HSPH1: variants seen among roughly 807,000 people sequenced by gnomAD.
The protein encoded by HSPH1 is heat shock protein 105 kDa.
HSPH1 carries 40 observed loss-of-function variants against 100.0 expected under a neutral mutation model. The ratio of observed to expected loss-of-function variants is 0.40; its 90% confidence interval spans 0.31 to 0.52. The LOEUF (loss-of-function observed/expected upper bound fraction) is 0.52, where lower values mean the gene tolerates loss of function less well. Ranked by LOEUF, HSPH1 falls within the 20% of genes least tolerant of loss-of-function variation. The pLI is 0.54. For synonymous variants in HSPH1, 403 were observed against 344.0 expected, an observed-to-expected ratio of 1.17 and a Z score of -1.90; for missense variants, 876 against 1,015.1, an observed-to-expected ratio of 0.86 and a Z score of 1.86.
At chr13:31,153,063 G>C in intron 4 of HSPH1, 112 bp from the exon 5 acceptor site, 1 of 681,108 alleles carries the variant, frequency 1.5e-6, no homozygotes, top group Admixed American at 2.6e-5. Context: ...GCCTCGCCAA[G>C]TCACAAAACA....
intron 4 of HSPH1, chr13:31,153,889 A>T (rs1450377159): frequency 2.0e-5 from 3 of 151,800 alleles, no homozygotes. Context: ...ACTGACTTAT[A>T]ACTTAATTCT....
At chr13:31,154,585 G>C in intron 4 of HSPH1, 48 bp downstream of exon 4, 1 of 1,608,224 alleles carries the variant, frequency 6.2e-7, no homozygotes, top group South Asian at 1.1e-5. Flanking sequence ...GTAATACAAA[G>C]AACGCAAAAA....
rs1375332763 is a variant in HSPH1, at chr13:31,137,196, T to C, written c.*122A>G. ...AAGCTTTTTTTCTTTTTCCATATAA[T>C]ACACAAAATTTCTAAATATCCTTAA... On this transcript the variant is annotated 3_prime_UTR_variant, in exon 18 of 18. Coordinates refer to ENST00000320027, the MANE Select transcript of HSPH1 (RefSeq NM_006644.4). 1 of 743,744 alleles carries C rather than the reference T, an allele frequency of 1.3e-6. No individual in the cohort carries two copies. Among genetic ancestry groups the C allele is most frequent in the Non-Finnish European group, 2.3e-6 (1 of 428,328 alleles). 46.1% of individuals were successfully genotyped at this position (743,744 alleles called of 1,614,324 possible).
chr13:31,160,203 T>C (rs567612338), intron 1 of HSPH1, among the ~76,000 whole-genome samples: 6 of 152,318 alleles, frequency 3.9e-5, no homozygotes, highest in African/African-American at 1.4e-4. Flanking sequence ...AAGTATAAAC[T>C]GTATCTAGGC....
chr13:31,159,439 A>T (rs1274580872), intron 1 of HSPH1, among the ~76,000 whole-genome samples: 1 of 152,222 alleles, frequency 6.6e-6, no homozygotes, highest in African/African-American at 2.4e-5. Flanking sequence ...ACCATGGCAA[A>T]ACAGAATATA....
upstream of HSPH1, chr13:31,161,919 C>T (rs560641716): frequency 1.8e-4 from 274 of 1,516,342 alleles, 2 homozygotes; most frequent in South Asian, 3.0e-3. Flanking sequence ...GGGGAGGTCC[C>T]ACTTCCTCAG....
chr13:31,159,229 T>G (rs1318188567), intron 1 of HSPH1, among the ~76,000 whole-genome samples: 2 of 152,224 alleles, frequency 1.3e-5, no homozygotes, highest in African/African-American at 4.8e-5. Flanking sequence ...TACCTTTCAG[T>G]CACCAACTCT....
In HSPH1 at chr13:31,141,214, T is replaced by C; in HGVS notation, c.1762A>G (p.Lys588Glu). 6.2e-7 allele frequency: 1 copy of C among 1,610,466 alleles called. No individual in the cohort carries two copies. ...AGCTCAACATTCACCACCTTTATTT[T>C]GGGCTTTTTAGCTTCTGGAGGCTGG... ...VDQPPEAKKP[K>E]IKVVNVELPI... The change falls in exon 13 of 18, where the codon AAA (lysine) becomes GAA (glutamate). Residue 588 changes from lysine to glutamate, a missense_variant. Transcript: ENST00000320027.
intron 1 of HSPH1, among the ~76,000 whole-genome samples, chr13:31,159,532 C>A (rs1010974216): frequency 1.3e-5 from 2 of 152,194 alleles, no homozygotes; most frequent in Admixed American, 6.5e-5. Context: ...TGTGAAACAA[C>A]CTTCTCAGCC....
At chr13:31,146,431 T>A (rs989272095) in intron 10 of HSPH1, among the ~76,000 whole-genome samples, 1 of 152,092 alleles carries the variant, frequency 6.6e-6, no homozygotes, top group African/African-American at 2.4e-5. Flanking sequence ...CTACCCTACT[T>A]CTCCAGATGG....
At chr13:31,145,795 A>C in intron 10 of HSPH1, 27 bp from the exon 11 acceptor site, 1 of 1,600,690 alleles carries the variant, frequency 6.2e-7, no homozygotes, top group South Asian at 1.1e-5. Context: ...AAAAATCACA[A>C]AATCACAATT....
intron 13 of HSPH1, 144 bp downstream of exon 13, chr13:31,140,978 T>C: frequency 4.1e-6 from 2 of 492,814 alleles, no homozygotes; most frequent in Non-Finnish European, 6.8e-6. Context: ...CAAAATTCGT[T>C]AGTTTTGTCT....
chr13:31,142,204 T>C (rs771064928), intron 12 of HSPH1, among the ~76,000 whole-genome samples: 4 of 152,080 alleles, frequency 2.6e-5, no homozygotes, highest in African/African-American at 9.7e-5. Context: ...ATAGATAATT[T>C]TGAGGAGTTA....
intron 2 of HSPH1, among the ~76,000 whole-genome samples, chr13:31,156,394 C>A (rs1441572667): frequency 2.0e-5 from 3 of 147,852 alleles, no homozygotes; most frequent in Non-Finnish European, 1.5e-5. Flanking sequence ...CGTCTCAAAA[C>A]AAAAAAAAAA....
At position 31,135,693 on chromosome 13, in the gene HSPH1, C is replaced by T. The variant is rs1484189082; in HGVS notation, c.*1625G>A. The T allele has an allele frequency of 1.3e-5, 2 of 152,240 alleles. No homozygotes were observed. The highest frequency in any genetic ancestry group is 2.9e-5 in the Non-Finnish European group (2 of 68,042). 9.4% of individuals were successfully genotyped at this position (152,240 alleles called of 1,614,324 possible). A position where few individuals can be genotyped will look rare whatever the true frequency, so the allele number is the denominator to read the frequency against. ...AAATTTGAGTTAATTTAATAACTTA[C>T]ATCTTCACCCAGGAAGCATCAGAGC... On this transcript the variant is annotated 3_prime_UTR_variant, in exon 18 of 18. Transcript: ENST00000320027.
chr13:31,141,941 T>G (rs949353574), intron 12 of HSPH1, among the ~76,000 whole-genome samples: 1 of 152,096 alleles, frequency 6.6e-6, no homozygotes, highest in African/African-American at 2.4e-5. Flanking sequence ...GCCAATCATT[T>G]ATGTAGGTTT....
chr13:31,159,614 G>T (rs1444315065), intron 1 of HSPH1, among the ~76,000 whole-genome samples: 1 of 152,168 alleles, frequency 6.6e-6, no homozygotes, highest in African/African-American at 2.4e-5. Context: ...GAAGGTAAGT[G>T]AATTAGGTTT....
At position 31,158,787 on chromosome 13, in the gene HSPH1, A is replaced by G. The variant is rs1264066451; in HGVS notation, c.165+19T>C. The stretch of plus-strand genomic sequence containing the variant: ...ACTCCCCCCTTAAAAAGTGATCCGA[A>G]TTCTCTTAAAGAACATACCTGATTT... On this transcript the variant is annotated intron_variant, in intron 2 of 17. Coordinates refer to ENST00000320027, the MANE Select transcript of HSPH1 (RefSeq NM_006644.4). 2 of 1,559,136 alleles carry G rather than the reference A, an allele frequency of 1.3e-6. No individual in the cohort carries two copies. The highest frequency in any genetic ancestry group is 1.8e-6 in the Non-Finnish European group (2 of 1,130,334).
intron 10 of HSPH1, among the ~76,000 whole-genome samples, chr13:31,146,734 T>C (rs962654959): frequency 2.0e-5 from 3 of 152,154 alleles, no homozygotes; most frequent in Non-Finnish European, 2.9e-5. Flanking sequence ...AAAAGTTACC[T>C]TTCTATACCT....
Sources: gnomAD v4.1 joint callset for allele counts (sites outside exome capture counted in the v4.1 genomes callset) on GRCh38, gnomAD v4.1.1 for gene constraint, MANE v1.5 for transcripts, NCBI Gene and HGNC (gene_info 2026-07-23, HGNC 2026-07-21) for gene names.